The following CYTH3 variants were observed in gnomAD, a reference collection of about 807,000 sequenced individuals.
The protein encoded by CYTH3 is cytohesin 3, also known as cytohesin-3.
Under a neutral mutation model 55.1 loss-of-function variants are expected in CYTH3, and 23 were observed. The ratio of observed to expected loss-of-function variants is 0.42; its 90% CI spans 0.30 to 0.59. The LOEUF is 0.59. Among genes scored for constraint, CYTH3 ranks in the 20% least tolerant of loss-of-function variants. The probability of loss-of-function intolerance (pLI) is 0.20; values close to 1 mark genes in which losing one functional copy is unlikely to be tolerated. For synonymous variants in CYTH3, 249 were observed against 194.9 expected (o/e 1.28, Z -2.31); for missense variants, 413 against 524.8 (o/e 0.79, Z 2.08).
rs375773265 is a variant in CYTH3, at chr7:6,165,818, C to G, written c.824-8G>C. On this transcript the variant is annotated splice_polypyrimidine_tract_variant and splice_region_variant and intron_variant, in intron 9 of 12. Coordinates refer to ENST00000350796, the MANE Select transcript of CYTH3 (RefSeq NM_004227.4). ...AGGTCTTCACACGCCCTCCTAGAAG[C>G]AGAAGGGCCCCGTGAGTCTGCGCTC... 8.1e-5 allele frequency: 131 copies of G among 1,613,944 alleles called. No homozygotes were observed. In the South Asian group the frequency reaches 1.2e-3, roughly 15 times the overall value.
intron 1 of CYTH3, among the ~76,000 whole-genome samples, chr7:6,253,581 G>T (rs187184227): frequency 0.015 from 2,205 of 152,062 alleles, 51 homozygotes; most frequent in African/African-American, 0.048. Context: ...ACTTTGGGAG[G>T]CCAAGGCGGG....
chr7:6,271,340 T>G (rs1273323687), intron 1 of CYTH3, among the ~76,000 whole-genome samples: 4 of 152,184 alleles, frequency 2.6e-5, no homozygotes, highest in African/African-American at 9.6e-5. Flanking sequence ...GATGAACCAC[T>G]TCATCCTGAA....
At chr7:6,267,098 C>T (rs1780516538) in intron 1 of CYTH3, among the ~76,000 whole-genome samples, 1 of 152,214 alleles carries the variant, frequency 6.6e-6, no homozygotes, top group Non-Finnish European at 1.5e-5. Context: ...CTTGCTCCTG[C>T]TCTAGCCATG....
rs1349208838 is a variant in CYTH3 at position 6,165,448 on chromosome 7, G to C, written c.973-21C>G. ...CAGTTCTGGTGGAGAAAGAGAGAGG[G>C]GAGGCGGTCAGGGGGGCTTGGGGCA... On this transcript the variant is annotated intron_variant, in intron 11 of 12. Coordinates refer to ENST00000350796, the MANE Select transcript of CYTH3 (RefSeq NM_004227.4). 5 of 1,610,216 alleles carry C rather than the reference G, an allele frequency of 3.1e-6. No individual in the cohort carries two copies. The African/African-American group carries it at 6.7e-5, about 22-fold the overall frequency.
chr7:6,217,760 G>T (rs1784459367), intron 1 of CYTH3, among the ~76,000 whole-genome samples: 1 of 152,124 alleles, frequency 6.6e-6, no homozygotes, highest in African/African-American at 2.4e-5. Flanking sequence ...AGACCCCACA[G>T]AAAATTGTAG....
At position 6,170,466 on chromosome 7, in the gene CYTH3, G is replaced by A. The variant is rs1181619284; in HGVS notation, c.823+69C>T. The A allele has an allele frequency of 1.4e-6, 2 of 1,437,158 alleles. No individual in the cohort carries two copies. Among genetic ancestry groups the A allele is most frequent in the African/African-American group, 2.8e-5 (2 of 70,626 alleles). The allele number at this position is 1,437,158 out of a possible 1,614,324, so 89.0% of individuals were successfully genotyped here. A position where few individuals can be genotyped will look rare whatever the true frequency, so the allele number is the denominator to read the frequency against. ...GGGGGCATTCCTACGATGAGCCTGG[G>A]AGGAACCCGAGGGGCTGCTGCCATG... On this transcript the variant is annotated intron_variant, in intron 9 of 12. Coordinates refer to ENST00000350796, the MANE Select transcript of CYTH3 (RefSeq NM_004227.4). This position sits in a 1 kb window ranked among gnomAD's most constrained non-coding sequence, Gnocchi z 7.8.
chr7:6,272,604 G>T lies in CYTH3; in HGVS notation c.-97C>A, dbSNP rs1007581858. 6.3e-6 allele frequency: 6 copies of T among 949,112 alleles called. No homozygotes were observed. The highest frequency in any genetic ancestry group is 7.7e-6 in the Non-Finnish European group (6 of 776,012). 58.8% of individuals were successfully genotyped at this position (949,112 alleles called of 1,614,324 possible). A position where few individuals can be genotyped will look rare whatever the true frequency, so the allele number is the denominator to read the frequency against. ...GAGGGAGCGCGCAGGCGACCGGGCG[G>T]CTCCTCAGCGCGCGGCCCGGGTCGC... is the stretch of plus-strand genomic sequence containing the variant. On this transcript the variant is annotated 5_prime_UTR_variant, in exon 1 of 13. Transcript: ENST00000350796.
At chr7:6,235,212 A>G (rs1347445356) in intron 1 of CYTH3, among the ~76,000 whole-genome samples, 1 of 152,204 alleles carries the variant, frequency 6.6e-6, no homozygotes, top group Non-Finnish European at 1.5e-5. Flanking sequence ...GTAGTGGCTC[A>G]CGCCTGTAAT....
chr7:6,272,561 G>A lies in CYTH3; in HGVS notation c.-54C>T. ...CGGGGGCCGGCAGCAGAGGGGCCGCGGGCTGGGGACGCCGCCGGAGGGAGC... is the reference window on the plus strand; with the variant it reads ...CGGGGGCCGGCAGCAGAGGGGCCGCAGGCTGGGGACGCCGCCGGAGGGAGC... On this transcript the variant is annotated 5_prime_UTR_variant, in exon 1 of 13. Coordinates refer to ENST00000350796, the MANE Select transcript of CYTH3 (RefSeq NM_004227.4). 2 of 1,234,352 alleles carry A rather than the reference G, an allele frequency of 1.6e-6. No homozygotes were observed. Among genetic ancestry groups the A allele is most frequent in the Non-Finnish European group, 2.0e-6 (2 of 979,120 alleles). 76.5% of individuals were successfully genotyped at this position (1,234,352 alleles called of 1,614,324 possible). A position where few individuals can be genotyped will look rare whatever the true frequency, so the allele number is the denominator to read the frequency against.
chr7:6,256,237 G>C (rs530912618), intron 1 of CYTH3, among the ~76,000 whole-genome samples: 6 of 152,156 alleles, frequency 3.9e-5, no homozygotes, highest in Non-Finnish European at 7.3e-5. Context: ...CCTGAGACTC[G>C]AGAACTTCTG....
At chr7:6,182,786 A>G (rs1003308876) in intron 4 of CYTH3, among the ~76,000 whole-genome samples, 3 of 152,140 alleles carry the variant, frequency 2.0e-5, no homozygotes, top group Non-Finnish European at 4.4e-5. Flanking sequence ...TCAGGATTAT[A>G]GGCATGAGCC....
intron 1 of CYTH3, among the ~76,000 whole-genome samples, chr7:6,255,446 G>A (rs1391490208): frequency 6.6e-6 from 1 of 152,206 alleles, no homozygotes; most frequent in South Asian, 2.1e-4. Flanking sequence ...CAAGGGAAAA[G>A]AGGGCCTCTC....
At chr7:6,247,930 G>A (rs1261229279) in intron 1 of CYTH3, among the ~76,000 whole-genome samples, 1 of 151,992 alleles carries the variant, frequency 6.6e-6, no homozygotes, top group Admixed American at 6.6e-5. Flanking sequence ...GCCTCCCAAA[G>A]CGCTGGGAAT....
chr7:6,242,139 C>T (rs561155756), intron 1 of CYTH3, among the ~76,000 whole-genome samples: 1 of 152,122 alleles, frequency 6.6e-6, no homozygotes, highest in East Asian at 1.9e-4. Context: ...TGCAGTGGTA[C>T]AATCTCGGCT....
intron 1 of CYTH3, among the ~76,000 whole-genome samples, chr7:6,215,735 C>T (rs569804090): frequency 2.6e-5 from 4 of 152,102 alleles, no homozygotes; most frequent in African/African-American, 9.6e-5. Context: ...CAGGATAAAC[C>T]CAGAGACCTA....
At chr7:6,225,166 A>G (rs1779214370) in intron 1 of CYTH3, among the ~76,000 whole-genome samples, 1 of 152,196 alleles carries the variant, frequency 6.6e-6, no homozygotes, top group African/African-American at 2.4e-5. Context: ...ATCATTATTG[A>G]ATGTCTATTA....
At chr7:6,184,348 C>A (rs1783585342) in intron 4 of CYTH3, among the ~76,000 whole-genome samples, 1 of 150,464 alleles carries the variant, frequency 6.6e-6, no homozygotes, top group Non-Finnish European at 1.5e-5. Flanking sequence ...GCGTGAGCCA[C>A]CGCGCCTGGC....
intron 9 of CYTH3, 76 bp from the exon 10 acceptor site, chr7:6,165,886 T>C (rs1349883678): frequency 1.4e-6 from 2 of 1,422,932 alleles, no homozygotes; most frequent in South Asian, 1.2e-5. Context: ...GCCCTGGACC[T>C]GCACAGACCA....
intron 1 of CYTH3, among the ~76,000 whole-genome samples, chr7:6,203,272 T>G (rs1784100971): frequency 6.6e-6 from 1 of 152,190 alleles, no homozygotes; most frequent in African/African-American, 2.4e-5. Context: ...CTTCACTGAT[T>G]ATAAGATGTG....
Sources: allele counts gnomAD v4.1 joint callset (sites outside exome capture counted in the v4.1 genomes callset), GRCh38; gene constraint gnomAD v4.1.1; non-coding constraint Gnocchi (gnomAD v3.1); transcripts MANE v1.5; gene names NCBI Gene and HGNC (gene_info 2026-07-23, HGNC 2026-07-21).